The following ELF1 variants were observed in gnomAD, a reference collection of about 807,000 sequenced individuals.
ELF1 encodes the protein E74 like ETS transcription factor 1, also known as ETS-related transcription factor Elf-1.
Under a neutral mutation model 59.9 loss-of-function variants are expected in ELF1, and 24 were observed. The ratio of observed to expected loss-of-function variants is 0.40; its 90% confidence interval spans 0.29 to 0.56. The LOEUF (loss-of-function observed/expected upper bound fraction) is 0.56. Ranked by LOEUF, ELF1 falls within the 20% of genes least tolerant of loss-of-function variation. ELF1 has a pLI of 0.44. For synonymous variants in ELF1, 248 were observed against 266.2 expected, an observed-to-expected ratio of 0.93 and a Z score of 0.67; for missense variants, 627 against 742.2, an observed-to-expected ratio of 0.84 and a Z score of 1.80.
chr13:40,975,583 G>GA (rs1481017658), intron 2 of ELF1, among the ~76,000 whole-genome samples: 14 of 152,112 alleles, frequency 9.2e-5, no homozygotes, highest in Non-Finnish European at 4.4e-5. Flanking sequence ...AAATACTTCA[G>GA]AAAAAAGATT....
At position 40,949,873 on chromosome 13, in the gene ELF1, C is replaced by T. The variant is rs760863452; in HGVS notation, c.462G>A (p.Gln154=). 1.9e-6 allele frequency: 3 copies of T among 1,614,114 alleles called. No individual in the cohort carries two copies. In the South Asian group the frequency reaches 3.3e-5, roughly 18 times the overall value. Residue 154 remains glutamine, a synonymous_variant, in exon 5 of 9, where the codon CAG becomes CAA. Coordinates refer to ENST00000239882, the MANE Select transcript of ELF1 (RefSeq NM_172373.4). ...AGTCTGCATATTTTTCTTGCACCTG[C>T]TGTGTTTCCATCACTTCAGGAATCC... The part of the protein sequence containing the change: ...LDGIPEVMET[Q]QVQEKYADSP...
At position 40,941,621 on chromosome 13, in the gene ELF1, C is replaced by T. The variant is rs188188202; in HGVS notation, c.807-251G>A. On this transcript the variant is annotated intron_variant, in intron 7 of 8. Coordinates refer to ENST00000239882, the MANE Select transcript of ELF1 (RefSeq NM_172373.4). ...GACTGTTGATAAACTATGTGGAATC[C>T]TCTGGTCTTTCACTTTTCTTCCTCT... is the stretch of plus-strand genomic sequence containing the variant. Among the ~76,000 whole-genome samples, 869 of 152,150 alleles carry T rather than the reference C, an allele frequency of 5.7e-3. 7 individuals carry two copies. Among genetic ancestry groups the T allele is most frequent in the South Asian group, 0.014 (69 of 4,828 alleles).
chr13:40,949,893 G>A lies in ELF1; in HGVS notation c.442C>T (p.Pro148Ser), dbSNP rs1170554406. 6 of 1,613,998 alleles carry A rather than the reference G, an allele frequency of 3.7e-6. No homozygotes were observed. Among genetic ancestry groups the A allele is most frequent in the South Asian group, 2.2e-5 (2 of 91,076 alleles). The change falls in exon 5 of 9, where the codon CCT becomes TCT. Residue 148 changes from proline (P) to serine (S), a missense_variant. By Grantham distance (74) the Pro-to-Ser change is moderately conservative. This residue lies in a region of ELF1 where 232 missense variants were observed against 269.2 expected (regional missense o/e 0.86). Transcript: ENST00000239882. ...ACCTGCTGTGTTTCCATCACTTCAG[G>A]AATCCCATCTAATGTGACGGACACA... ...THVSVTLDGI[P>S]EVMETQQVQE...
At chr13:40,951,089 T>A (rs1870818035) in intron 4 of ELF1, among the ~76,000 whole-genome samples, 1 of 152,206 alleles carries the variant, frequency 6.6e-6, no homozygotes, top group African/African-American at 2.4e-5. Context: ...TTCTGCATGA[T>A]CTTCTATTTG....
At chr13:41,041,986 A>C (rs893512344) in intron 1 of ELF1, among the ~76,000 whole-genome samples, 6 of 152,170 alleles carry the variant, frequency 3.9e-5, no homozygotes, top group African/African-American at 1.4e-4. Context: ...TATTTTTCAA[A>C]TATTTCCTAA....
At chr13:41,038,384 G>C (rs1876470949) in intron 1 of ELF1, among the ~76,000 whole-genome samples, 1 of 152,126 alleles carries the variant, frequency 6.6e-6, no homozygotes, top group Non-Finnish European at 1.5e-5. Flanking sequence ...ATGCATGGTG[G>C]CTCAAGCCTA....
Position 40,951,370 on chromosome 13 carries a change from T to C in ELF1, c.320A>G (p.Asn107Ser), listed in dbSNP as rs1350852775. 5 of 1,613,822 alleles carry C rather than the reference T, an allele frequency of 3.1e-6. No individual in the cohort carries two copies. Among genetic ancestry groups the C allele is most frequent in the South Asian group, 2.2e-5 (2 of 91,068 alleles). The change falls in exon 4 of 9, where the codon AAT (asparagine) becomes AGT (serine). Residue 107 changes from asparagine (N) to serine (S), a missense_variant. Asn to Ser is a conservative substitution (Grantham distance 46). This residue lies in a region of ELF1 where 232 missense variants were observed against 269.2 expected (regional missense o/e 0.86). Coordinates refer to ENST00000239882, the MANE Select transcript of ELF1 (RefSeq NM_172373.4). Reference sequence around the variant, plus strand: ...CAGCATAGGGCCAGGGGAATCCATATTGAGGAGTGCCTCAGCAGCCTCAAT... The same window carrying C: ...CAGCATAGGGCCAGGGGAATCCATACTGAGGAGTGCCTCAGCAGCCTCAAT... ...ETIEAAEALL[N>S]MDSPGPMLDE...
At chr13:41,058,088 T>C (rs894612868) in intron 1 of ELF1, among the ~76,000 whole-genome samples, 11 of 152,244 alleles carry the variant, frequency 7.2e-5, no homozygotes, top group Non-Finnish European at 1.5e-4. Flanking sequence ...ATTGTTTGAA[T>C]CTTTTAAAAC....
At chr13:40,993,147 C>G (rs1265818445) in intron 1 of ELF1, 1 of 1,538,586 alleles carries the variant, frequency 6.5e-7, no homozygotes, top group South Asian at 1.1e-5. Context: ...GACCTGGATA[C>G]TCTCCATTTT....
intron 1 of ELF1, among the ~76,000 whole-genome samples, chr13:41,057,280 G>T (rs1311938271): frequency 6.6e-6 from 1 of 151,178 alleles, no homozygotes; most frequent in Non-Finnish European, 1.5e-5. Context: ...CCTTAGGCTT[G>T]CAAGTAGCTA....
Position 40,958,979 on chromosome 13 carries a change from T to C in ELF1, c.110A>G (p.Glu37Gly), listed in dbSNP as rs1250224504. The C allele has an allele frequency of 6.2e-7, 1 of 1,612,670 alleles. No homozygotes were observed. Among genetic ancestry groups the C allele is most frequent in the Non-Finnish European group, 8.5e-7 (1 of 1,179,478 alleles). ...GAGAATATCAGCACCAGGAACATGTTCCACAATTACGGCAGGAAAAATAGC... is the reference window on the plus strand; with the variant it reads ...GAGAATATCAGCACCAGGAACATGTCCCACAATTACGGCAGGAAAAATAGC... The part of the protein sequence containing the change: ...DPAIFPAVIV[E>G]HVPGADILNS... The change falls in exon 3 of 9, where the codon GAA becomes GGA. Residue 37 changes from glutamate (E) to glycine (G), a missense_variant. By Grantham distance (98) the Glu-to-Gly change is moderately conservative. Around this residue, in one of 3 missense-constraint regions of ELF1, gnomAD observed 232 missense variants for 269.2 expected, o/e 0.86. Coordinates refer to ENST00000239882, the MANE Select transcript of ELF1 (RefSeq NM_172373.4).
At chr13:41,021,880 C>A (rs1190719517), upstream of ELF1, among the ~76,000 whole-genome samples, 1 of 152,098 alleles carries the variant, frequency 6.6e-6, no homozygotes, top group Non-Finnish European at 1.5e-5. Context: ...GACACCACCA[C>A]AACAAAACAA....
chr13:41,060,125 C>G (rs1285366890), intron 1 of ELF1, among the ~76,000 whole-genome samples: 1 of 152,174 alleles, frequency 6.6e-6, no homozygotes, highest in African/African-American at 2.4e-5. Flanking sequence ...TCAGGCGCCG[C>G]GGGTGGAGAC....
In ELF1 at chr13:40,940,386, G is replaced by GAAAAAAA. The variant is rs375400990; in HGVS notation, c.1256+528_1256+534dup. ...GCTCTGAGGCAAATCTGATTTAACT[G>GAAAAAAA]AAAAAAAAAAAAAAAAAAAAAAAAA... On this transcript the variant is annotated intron_variant, in intron 8 of 8. Transcript: ENST00000239882. 2.5e-3 allele frequency among the ~76,000 whole-genome samples: 275 copies of GAAAAAAA among 109,790 alleles called. 3 individuals carry two copies. Among genetic ancestry groups the GAAAAAAA allele is most frequent in the East Asian group, 5.6e-3 (11 of 1,968 alleles). The allele number at this position is 109,790 out of a possible 152,430, so 72.0% of individuals were successfully genotyped here.
At chr13:40,986,937 C>CTTT (rs1555276215) in intron 1 of ELF1, among the ~76,000 whole-genome samples, 22,217 of 126,068 alleles carry the variant, frequency 0.18, 2,629 homozygotes, top group African/African-American at 0.22. Flanking sequence ...AATCATTGCT[C>CTTT]TTTTTTTTTT....
chr13:40,937,521 G>A (rs1869861575), intron 8 of ELF1, among the ~76,000 whole-genome samples: 1 of 152,216 alleles, frequency 6.6e-6, no homozygotes, highest in African/African-American at 2.4e-5. Flanking sequence ...TTGGGCTGGA[G>A]TGCAGTGGCG....
At chr13:41,018,221 A>C (rs1188700563) in intron 1 of ELF1, among the ~76,000 whole-genome samples, 4 of 152,234 alleles carry the variant, frequency 2.6e-5, no homozygotes, top group African/African-American at 9.6e-5. Context: ...CAGAAATAAA[A>C]TACTACTGCA....
intron 1 of ELF1, among the ~76,000 whole-genome samples, chr13:41,001,801 C>T (rs969509135): frequency 6.6e-6 from 1 of 151,990 alleles, no homozygotes; most frequent in African/African-American, 2.4e-5. Context: ...TCAAGGTTGC[C>T]GTGCACTGTG....
intron 1 of ELF1, among the ~76,000 whole-genome samples, chr13:41,003,302 C>G (rs1874569510): frequency 6.6e-6 from 1 of 152,132 alleles, no homozygotes; most frequent in African/African-American, 2.4e-5. Context: ...ACATGTCTAC[C>G]TAAGTTTTAA....
Sources: gnomAD v4.1 joint callset for allele counts (sites outside exome capture counted in the v4.1 genomes callset) on GRCh38, gnomAD v4.1.1 for gene constraint, gnomAD v4.1.1 regional missense constraint, MANE v1.5 for transcripts, NCBI Gene and HGNC (gene_info 2026-07-23, HGNC 2026-07-21) for gene names.